Variants in PRRX2 observed in about 807,000 individuals in gnomAD.
PRRX2 encodes the protein paired mesoderm homeobox protein 2.
A neutral mutation model predicts 18.0 loss-of-function variants in PRRX2; 11 were observed. The ratio of observed to expected loss-of-function variants is 0.61; its 90% confidence interval spans 0.39 to 1.01. PRRX2 has a LOEUF of 1.01. Among genes scored for constraint, PRRX2 ranks in the 50% least tolerant of loss-of-function variants. The pLI is 0.01. For missense variants in PRRX2, 387 were observed against 351.0 expected (o/e 1.10, Z -0.82); for synonymous variants, 177 against 154.8 (o/e 1.14, Z -1.06).
At position 129,709,379 on chromosome 9, in the gene PRRX2, A is replaced by T. The variant is rs1046977655; in HGVS notation, c.260-9852A>T. The stretch of plus-strand genomic sequence containing the variant: ...TCTGCTGAGGTTTGTGGGGGACATG[A>T]GGGAACCTCCTCCAGCCTCCTCCAA... On this transcript the variant is annotated intron_variant, in intron 1 of 3. Coordinates refer to ENST00000372469, the MANE Select transcript of PRRX2 (RefSeq NM_016307.4). This position sits in a 1 kb window ranked among gnomAD's most constrained non-coding sequence, Gnocchi z 4.2. 7.9e-5 allele frequency among the ~76,000 whole-genome samples: 12 copies of T among 152,136 alleles called. No homozygotes were observed. The highest frequency in any genetic ancestry group is 2.9e-4 in the African/African-American group (12 of 41,432).
chr9:129,679,043 CG>C (rs1832196161), intron 1 of PRRX2, among the ~76,000 whole-genome samples: 2 of 152,132 alleles, frequency 1.3e-5, no homozygotes, highest in Admixed American at 6.6e-5. Context: ...GGCAGGTGGC[CG>C]TGCCCCACGT....
intron 1 of PRRX2, 91 bp downstream of exon 1, chr9:129,666,217 C>T (rs991011621): frequency 2.1e-6 from 2 of 932,842 alleles, no homozygotes; most frequent in African/African-American, 3.6e-5. Flanking sequence ...GCGGGGCGGG[C>T]GAAGATGCAG....
At chr9:129,720,466 G>T (rs1049887365) in intron 2 of PRRX2, 130 bp from the exon 3 acceptor site, 1 of 825,996 alleles carries the variant, frequency 1.2e-6, no homozygotes, top group African/African-American at 1.8e-5. Flanking sequence ...TTCTACAGAT[G>T]AAAAAACTGA....
chr9:129,668,196 G>T (rs1019484449), intron 1 of PRRX2, among the ~76,000 whole-genome samples: 1 of 152,206 alleles, frequency 6.6e-6, no homozygotes, highest in African/African-American at 2.4e-5. Context: ...CATCCATCTG[G>T]GTCAGGCGGC....
chr9:129,697,819 G>A (rs991566669), intron 1 of PRRX2, among the ~76,000 whole-genome samples: 1 of 152,046 alleles, frequency 6.6e-6, no homozygotes, highest in Non-Finnish European at 1.5e-5. Flanking sequence ...GGCTGGGGAC[G>A]CTTCCCCGCC....
rs2130938111 is a variant in PRRX2, at chr9:129,720,595, G to C, written c.448-1G>C. On this transcript the variant is annotated splice_acceptor_variant, in intron 2 of 3. Coordinates refer to ENST00000372469, the MANE Select transcript of PRRX2 (RefSeq NM_016307.4). LOFTEE classifies it high-confidence loss of function. ...CACCCTGCTCACCCTCCCACCCACA[G>C]GTCTGGTTTCAGAACCGCCGCGCCA... The C allele has an allele frequency of 6.2e-7, 1 of 1,604,428 alleles. No homozygotes were observed. The highest frequency in any genetic ancestry group is 1.7e-4 in the Middle Eastern group (1 of 5,786).
At chr9:129,673,583 G>C (rs1423968664) in intron 1 of PRRX2, among the ~76,000 whole-genome samples, 1 of 152,058 alleles carries the variant, frequency 6.6e-6, no homozygotes, top group African/African-American at 2.4e-5. Context: ...GCTGGCATTT[G>C]GGAACCACAT....
intron 1 of PRRX2, among the ~76,000 whole-genome samples, chr9:129,706,493 G>A (rs1222862651): frequency 6.6e-6 from 1 of 152,032 alleles, no homozygotes; most frequent in African/African-American, 2.4e-5. Context: ...AACCTGGGAG[G>A]CGGAGGTTGC....
chr9:129,702,752 G>A (rs1832512905), intron 1 of PRRX2, among the ~76,000 whole-genome samples: 2 of 152,230 alleles, frequency 1.3e-5, no homozygotes, highest in South Asian at 2.1e-4. Flanking sequence ...CTTGAGATGG[G>A]AGTGTCTGGC....
Position 129,695,373 on chromosome 9 carries a change from C to T in PRRX2, c.260-23858C>T, listed in dbSNP as rs1271855578. 6.6e-6 allele frequency among the ~76,000 whole-genome samples: 1 copy of T among 152,244 alleles called. No homozygotes were observed. Among genetic ancestry groups the T allele is most frequent in the Non-Finnish European group, 1.5e-5 (1 of 68,034 alleles). ...TTAGCCCCAGAGGAAACTGTCTTTTCAAAGAGAGAGGCTGCGGAAATGGCA... is the reference window on the plus strand; with the variant it reads ...TTAGCCCCAGAGGAAACTGTCTTTTTAAAGAGAGAGGCTGCGGAAATGGCA... On this transcript the variant is annotated intron_variant, in intron 1 of 3. Transcript: ENST00000372469. This position sits in a 1 kb window ranked among gnomAD's most constrained non-coding sequence, Gnocchi z 4.8.
In PRRX2 at chr9:129,665,871, G is replaced by T; in HGVS notation, c.4G>T (p.Asp2Tyr). 1 of 1,065,448 alleles carries T rather than the reference G, an allele frequency of 9.4e-7. No individual in the cohort carries two copies. The highest frequency in any genetic ancestry group is 7.9e-5 in the East Asian group (1 of 12,592). 66.0% of individuals were successfully genotyped at this position (1,065,448 alleles called of 1,614,324 possible). A position where few individuals can be genotyped will look rare whatever the true frequency, so the allele number is the denominator to read the frequency against. ...CCCCCCGGGGCCGCTCGCGGGCATG[G>T]ACAGCGCGGCCGCCGCCTTCGCCCT... M[D>Y]SAAAAFALDK... The change falls in exon 1 of 4, where the codon GAC becomes TAC. Residue 2 changes from aspartate to tyrosine, a missense_variant. Asp to Tyr is a radical substitution (Grantham distance 160). Transcript: ENST00000372469. The surrounding 1 kb of genome is among the most constrained non-coding windows in gnomAD (Gnocchi z 5.3).
At chr9:129,719,859 C>T (rs1255209662) in intron 2 of PRRX2, among the ~76,000 whole-genome samples, 6 of 152,084 alleles carry the variant, frequency 3.9e-5, no homozygotes, top group African/African-American at 1.4e-4. Flanking sequence ...TGCTGGCGCG[C>T]GCCTGTAATC....
At chr9:129,721,788 C>T (rs989487395) in intron 3 of PRRX2, among the ~76,000 whole-genome samples, 1 of 152,148 alleles carries the variant, frequency 6.6e-6, no homozygotes, top group Non-Finnish European at 1.5e-5. Flanking sequence ...AACATGTTGG[C>T]CAGGCTGGTC....
At chr9:129,674,669 G>A (rs1176578122) in intron 1 of PRRX2, among the ~76,000 whole-genome samples, 1 of 152,128 alleles carries the variant, frequency 6.6e-6, no homozygotes, top group Non-Finnish European at 1.5e-5. Flanking sequence ...GGTGAGGGCA[G>A]GTGACCTCCT....
At chr9:129,676,735 C>T (rs534640874) in intron 1 of PRRX2, among the ~76,000 whole-genome samples, 124 of 152,332 alleles carry the variant, frequency 8.1e-4, no homozygotes, top group African/African-American at 2.7e-3. Context: ...AGAGGGGCCT[C>T]CAGATGCAGA....
intron 1 of PRRX2, among the ~76,000 whole-genome samples, chr9:129,666,700 T>G (rs966931242): frequency 1.3e-4 from 20 of 151,880 alleles, no homozygotes; most frequent in Non-Finnish European, 2.1e-4. Context: ...CCCACCCAAG[T>G]GGCCTTTTTC....
chr9:129,691,169 A>G (rs1832356214), intron 1 of PRRX2, among the ~76,000 whole-genome samples: 1 of 129,126 alleles, frequency 7.7e-6, no homozygotes, highest in Admixed American at 7.3e-5. Flanking sequence ...TGCTAAATAT[A>G]CAAAAAAAAA....
intron 1 of PRRX2, among the ~76,000 whole-genome samples, chr9:129,672,120 A>G: frequency 6.6e-6 from 1 of 152,070 alleles, no homozygotes; most frequent in East Asian, 1.9e-4. Context: ...ACAGTGGCTC[A>G]CCCAGGGTGG....
At chr9:129,701,801 C>T (rs543306879) in intron 1 of PRRX2, among the ~76,000 whole-genome samples, 1 of 152,248 alleles carries the variant, frequency 6.6e-6, no homozygotes, top group East Asian at 1.9e-4. Context: ...AGATTTTTTT[C>T]CTTTCAAATG....
Sources: gnomAD v4.1 joint callset for allele counts (sites outside exome capture counted in the v4.1 genomes callset) on GRCh38, gnomAD v4.1.1 for gene constraint, Gnocchi (gnomAD v3.1) non-coding constraint, MANE v1.5 for transcripts, NCBI Gene and HGNC (gene_info 2026-07-23, HGNC 2026-07-21) for gene names.